POLR2B: variants seen among roughly 807,000 people sequenced by gnomAD.
POLR2B encodes the protein DNA-directed RNA polymerase II subunit RPB2.
Under a neutral mutation model 144.6 loss-of-function variants are expected in POLR2B, and 57 were observed. The observed-to-expected ratio is 0.39, with a 90% CI of 0.32 to 0.49. The LOEUF is 0.49. Ranked by LOEUF, POLR2B falls within the 20% of genes least tolerant of loss-of-function variation. POLR2B has a pLI of 0.83. For synonymous variants in POLR2B, 442 were observed against 469.8 expected (o/e 0.94, Z 0.77); for missense variants, 595 against 1,467.4 (o/e 0.41, Z 9.71).
At chr4:56,993,723 AT>A (rs1372536181) in intron 3 of POLR2B, among the ~76,000 whole-genome samples, 2 of 152,156 alleles carry the variant, frequency 1.3e-5, no homozygotes, top group Non-Finnish European at 2.9e-5. Flanking sequence ...ATATAGAATG[AT>A]TAGGATATTT....
At chr4:57,003,686 A>T (rs1718889) in intron 7 of POLR2B, among the ~76,000 whole-genome samples, 79,698 of 151,672 alleles carry the variant, frequency 0.53, 21,247 homozygotes, top group East Asian at 0.72. Flanking sequence ...CTACAAAAAA[A>T]AGAAAAATTA....
At position 57,020,601 on chromosome 4, in the gene POLR2B, A is replaced by G. The variant is rs750268965; in HGVS notation, c.2324-298A>G. Among the ~76,000 whole-genome samples, 59 of 152,120 alleles carry G rather than the reference A, an allele frequency of 3.9e-4. 3 individuals are homozygous for G. The highest frequency in any genetic ancestry group is 8.8e-5 in the Non-Finnish European group (6 of 68,026). ...GCACAGAGTTGCTGTGAGGATCAGG[A>G]AACTTGGTTTGGGGAGGCACTTCCT... is the stretch of plus-strand genomic sequence containing the variant. On this transcript the variant is annotated intron_variant, in intron 16 of 24. Coordinates refer to ENST00000314595, the MANE Select transcript of POLR2B (RefSeq NM_000938.3).
intron 1 of POLR2B, among the ~76,000 whole-genome samples, chr4:56,983,006 C>A (rs937828087): frequency 7.2e-5 from 11 of 152,204 alleles, no homozygotes; most frequent in African/African-American, 2.7e-4. Flanking sequence ...CACCATCATT[C>A]TAGTTCATGT....
chr4:57,026,739 C>T (rs201394897), intron 23 of POLR2B, among the ~76,000 whole-genome samples: 3 of 136,424 alleles, frequency 2.2e-5, no homozygotes, highest in Non-Finnish European at 4.9e-5. Flanking sequence ...CCAGCCTGGG[C>T]GACAGAGTGA....
In POLR2B at chr4:57,023,131, T is replaced by A; in HGVS notation, c.2516-199T>A. 5 of 529,496 alleles carry A rather than the reference T, an allele frequency of 9.4e-6. No homozygotes were observed. In the South Asian group the frequency reaches 1.4e-4, roughly 15 times the overall value. The allele number at this position is 529,496 out of a possible 1,614,324, so 32.8% of individuals were successfully genotyped here. A position where few individuals can be genotyped will look rare whatever the true frequency, so the allele number is the denominator to read the frequency against. On this transcript the variant is annotated intron_variant, in intron 18 of 24. Transcript: ENST00000314595. This position sits in a 1 kb window ranked among gnomAD's most constrained non-coding sequence, Gnocchi z 4.3. The stretch of plus-strand genomic sequence containing the variant: ...CCCAGTGCTGATTCCAATGTTCTTT[T>A]CCTTCATAGACTTTTTTTTTTGTTT...
intron 1 of POLR2B, among the ~76,000 whole-genome samples, chr4:56,984,684 T>A (rs888693676): frequency 7.2e-5 from 11 of 152,210 alleles, no homozygotes; most frequent in Non-Finnish European, 1.5e-4. Flanking sequence ...GGATTAATAA[T>A]TCCAGTCCAT....
At chr4:57,020,415 T>C (rs1366286709) in intron 16 of POLR2B, among the ~76,000 whole-genome samples, 1 of 152,156 alleles carries the variant, frequency 6.6e-6, no homozygotes, top group African/African-American at 2.4e-5. Context: ...GGGAAAGATA[T>C]GATATTTTCT....
At chr4:56,996,241 TG>T in intron 6 of POLR2B, among the ~76,000 whole-genome samples, 1 of 111,184 alleles carries the variant, frequency 9.0e-6, no homozygotes, top group Non-Finnish European at 1.9e-5. Context: ...TGTGTGTGTA[TG>T]TATATGTGTG....
At chr4:56,983,898 A>C in intron 1 of POLR2B, among the ~76,000 whole-genome samples, 1 of 142,172 alleles carries the variant, frequency 7.0e-6, no homozygotes. Context: ...ACAGGGTCGC[A>C]CTCTCACCCA....
intron 7 of POLR2B, among the ~76,000 whole-genome samples, chr4:57,000,182 T>A (rs1211345262): frequency 6.6e-6 from 1 of 152,234 alleles, no homozygotes; most frequent in African/African-American, 2.4e-5. Context: ...ACGCCTATAA[T>A]CTCAGCACTT....
intron 6 of POLR2B, among the ~76,000 whole-genome samples, chr4:56,997,031 G>C (rs1363516717): frequency 6.6e-6 from 1 of 152,124 alleles, no homozygotes; most frequent in Non-Finnish European, 1.5e-5. Context: ...TGCTGAGGTT[G>C]CAGTGAGCCC....
chr4:57,021,888 G>A (rs943792552), intron 17 of POLR2B, among the ~76,000 whole-genome samples: 5 of 152,096 alleles, frequency 3.3e-5, no homozygotes, highest in East Asian at 1.9e-4. Context: ...TAAATGTGTC[G>A]GAGGTTGGAT....
intron 10 of POLR2B, among the ~76,000 whole-genome samples, chr4:57,008,742 C>T (rs1192205766): frequency 6.6e-6 from 1 of 152,210 alleles, no homozygotes; most frequent in Non-Finnish European, 1.5e-5. Flanking sequence ...TAGGAGGTAA[C>T]ACCTGAACTG....
chr4:56,992,464 C>CAAAA (rs1209234628), intron 3 of POLR2B, among the ~76,000 whole-genome samples: 452 of 17,172 alleles, frequency 0.026, 47 homozygotes, highest in African/African-American at 0.075. Flanking sequence ...GACTCTGTCT[C>CAAAA]AAAAAAAAAA....
intron 17 of POLR2B, among the ~76,000 whole-genome samples, chr4:57,021,759 C>T (rs1454701077): frequency 6.6e-6 from 1 of 152,144 alleles, no homozygotes; most frequent in Non-Finnish European, 1.5e-5. Flanking sequence ...CTCGGCTTCC[C>T]AAAGTGCTAG....
At chr4:56,988,546 C>G (rs1385141037) in intron 2 of POLR2B, among the ~76,000 whole-genome samples, 1 of 151,990 alleles carries the variant, frequency 6.6e-6, no homozygotes, top group Non-Finnish European at 1.5e-5. Context: ...GGCAAAAAGT[C>G]AGCTTTTCAT....
At position 57,023,367 on chromosome 4, in the gene POLR2B, T is replaced by C; in HGVS notation, c.2553T>C (p.Asp851=). 3.7e-6 allele frequency: 6 copies of C among 1,614,022 alleles called. No homozygotes were observed. Among genetic ancestry groups the C allele is most frequent in the Non-Finnish European group, 5.1e-6 (6 of 1,179,920 alleles). ...CCATTTACGACAAGCTGGATGATGA[T>C]GGTTTGATAGCTCCAGGGGTTCGTG... ...RHAIYDKLDD[D]GLIAPGVRVS... is the part of the protein sequence containing the mutation. The change falls in exon 19 of 25, where the codon GAT becomes GAC. Residue 851 remains aspartate, a synonymous_variant. Coordinates refer to ENST00000314595, the MANE Select transcript of POLR2B (RefSeq NM_000938.3). The surrounding 1 kb of genome is among the most constrained non-coding windows in gnomAD (Gnocchi z 4.3).
chr4:57,016,902 A>G (rs1723385050), intron 14 of POLR2B, 141 bp from the exon 15 acceptor site: 2 of 222,004 alleles, frequency 9.0e-6, no homozygotes, highest in Non-Finnish European at 1.7e-5. Context: ...ATATTAAACT[A>G]TATATATATA....
intron 2 of POLR2B, among the ~76,000 whole-genome samples, chr4:56,988,680 C>G (rs1722410073): frequency 2.0e-5 from 3 of 152,136 alleles, no homozygotes; most frequent in Admixed American, 1.3e-4. Context: ...TAAGAGTAAA[C>G]TTTTGTAAAC....
Sources: allele counts gnomAD v4.1 joint callset (sites outside exome capture counted in the v4.1 genomes callset), GRCh38; gene constraint gnomAD v4.1.1; non-coding constraint Gnocchi (gnomAD v3.1); transcripts MANE v1.5; gene names NCBI Gene and HGNC (gene_info 2026-07-23, HGNC 2026-07-21).